The following SLC7A8 variants were observed in gnomAD, a reference collection of about 807,000 sequenced individuals.
SLC7A8 encodes the protein solute carrier family 7 member 8, also known as large neutral amino acids transporter small subunit 2.
Under a neutral mutation model 51.2 loss-of-function variants are expected in SLC7A8, and 30 were observed. That is an observed-to-expected ratio of 0.59 (90% CI 0.44 to 0.80). The LOEUF (loss-of-function observed/expected upper bound fraction) is 0.80, where lower values mean the gene tolerates loss of function less well. Ranked by LOEUF, SLC7A8 falls within the 30% of genes least tolerant of loss-of-function variation. The pLI, the probability that SLC7A8 is intolerant of heterozygous loss-of-function variation, is 0.00. For synonymous variants in SLC7A8, 257 were observed against 275.8 expected (o/e 0.93, Z 0.67); for missense variants, 612 against 674.4 (o/e 0.91, Z 1.03).
intron 3 of SLC7A8, chr14:23,155,023 AAGC>A: frequency 1.7e-6 from 1 of 602,198 alleles, no homozygotes; most frequent in African/African-American, 2.0e-5. Context: ...AAAAAAATCA[AAGC>A]AGCCCTTCCT....
rs1312643428 is a variant in SLC7A8, at chr14:23,128,499, T to C, written c.1264-303A>G. The C allele has an allele frequency of 1.3e-5, 10 of 740,840 alleles. No individual in the cohort carries two copies. The highest frequency in any genetic ancestry group is 2.1e-5 in the Non-Finnish European group (10 of 482,164). 45.9% of individuals were successfully genotyped at this position (740,840 alleles called of 1,614,324 possible). On this transcript the variant is annotated intron_variant, in intron 9 of 10. Transcript: ENST00000316902. This position sits in a 1 kb window ranked among gnomAD's most constrained non-coding sequence, Gnocchi z 4.3. ...AGACAAGGCCTCATCATGCATGCCA[T>C]GTGCCCGTGGCAGCCAGAGAAGCCC...
At chr14:23,153,410 T>A (rs942815736) in intron 3 of SLC7A8, among the ~76,000 whole-genome samples, 1 of 152,178 alleles carries the variant, frequency 6.6e-6, no homozygotes, top group Non-Finnish European at 1.5e-5. Flanking sequence ...CAGATCACTC[T>A]GCTTTCCCTT....
At chr14:23,129,562 C>T in intron 9 of SLC7A8, 88 bp downstream of exon 9, 1 of 1,454,584 alleles carries the variant, frequency 6.9e-7, no homozygotes, top group Admixed American at 2.0e-5. Flanking sequence ...GTGTGGTCAG[C>T]AGCTAAGAAC....
intron 3 of SLC7A8, among the ~76,000 whole-genome samples, chr14:23,151,891 CT>C (rs1682446697): frequency 6.6e-6 from 1 of 151,958 alleles, no homozygotes; most frequent in African/African-American, 2.4e-5. Context: ...TAGCAAAACC[CT>C]GTCTCTATTA....
intron 7 of SLC7A8, among the ~76,000 whole-genome samples, chr14:23,135,563 G>A (rs1474996675): frequency 2.0e-5 from 3 of 151,824 alleles, no homozygotes; most frequent in African/African-American, 4.8e-5. Context: ...TTAGCCAGGC[G>A]TGGTGGCAGG....
intron 3 of SLC7A8, among the ~76,000 whole-genome samples, chr14:23,152,077 G>GA (rs1290140171): frequency 3.3e-5 from 5 of 150,018 alleles, no homozygotes; most frequent in South Asian, 4.2e-4. Context: ...CAAAAGCAAA[G>GA]AAAAAAAAAG....
At position 23,125,554 on chromosome 14, in the gene SLC7A8, G is replaced by C. The variant is rs936707017; in HGVS notation, c.*1623C>G. On this transcript the variant is annotated 3_prime_UTR_variant, in exon 11 of 11. Coordinates refer to ENST00000316902, the MANE Select transcript of SLC7A8 (RefSeq NM_012244.4). ...GGAGGAATGAGAAAAGAGGGAATAA[G>C]AAGATGGTCCCCTGACCCTCCAGGG... 2 of 152,576 alleles carry C rather than the reference G, an allele frequency of 1.3e-5. No individual in the cohort carries two copies. Among genetic ancestry groups the C allele is most frequent in the African/African-American group, 4.8e-5 (2 of 41,434 alleles). 9.5% of individuals were successfully genotyped at this position (152,576 alleles called of 1,614,324 possible).
chr14:23,143,907 T>C (rs2048767461), intron 3 of SLC7A8, among the ~76,000 whole-genome samples: 1 of 152,244 alleles, frequency 6.6e-6, no homozygotes. Context: ...TCATATAATA[T>C]GTGGTCTTCT....
rs530998493 is a variant in SLC7A8 at position 23,140,534 on chromosome 14, G to A, written c.725C>T (p.Ser242Phe). 4 of 1,614,094 alleles carry A rather than the reference G, an allele frequency of 2.5e-6. No homozygotes were observed. The highest frequency in any genetic ancestry group is 3.3e-5 in the Admixed American group (2 of 60,022). ...AAAGTTCCAGCCTCCATAGGCAAAG[G>A]AGCCCTGAAGGAAAGCCAGTGCGAC... ...GLVALAFLQG[S>F]FAYGGWNFLN... Residue 242 changes from serine (S) to phenylalanine (F), a missense_variant, in exon 5 of 11, where the codon TCC (serine) becomes TTC (phenylalanine). Transcript: ENST00000316902.
At chr14:23,161,760 T>C (rs1459961754) in intron 3 of SLC7A8, among the ~76,000 whole-genome samples, 11 of 152,054 alleles carry the variant, frequency 7.2e-5, no homozygotes. Context: ...AAACCCCATC[T>C]CTACTAAAAA....
At chr14:23,169,848 G>A (rs2048967667) in intron 1 of SLC7A8, among the ~76,000 whole-genome samples, 1 of 152,180 alleles carries the variant, frequency 6.6e-6, no homozygotes, top group Non-Finnish European at 1.5e-5. Flanking sequence ...CTAAATCATA[G>A]GGTGAGTTTG....
chr14:23,165,474 A>G lies in SLC7A8; in HGVS notation c.357-38T>C. The G allele has an allele frequency of 6.4e-7, 1 of 1,559,436 alleles. No individual in the cohort carries two copies. The highest frequency in any genetic ancestry group is 8.6e-7 in the Non-Finnish European group (1 of 1,160,230). ...AGGGACATCCGCCGAAAGGCATGGC[A>G]GGGACGCAGAGCCATCAGGGGAGAG... On this transcript the variant is annotated intron_variant, in intron 2 of 10. Transcript: ENST00000316902. This position sits in a 1 kb window ranked among gnomAD's most constrained non-coding sequence, Gnocchi z 4.2.
chr14:23,133,776 A>G (rs1344529512), intron 7 of SLC7A8, among the ~76,000 whole-genome samples: 1 of 152,156 alleles, frequency 6.6e-6, no homozygotes, highest in African/African-American at 2.4e-5. Context: ...GTGAGCAGAG[A>G]TCATGCCCTT....
At chr14:23,176,010 A>G (rs2048997396) in intron 1 of SLC7A8, among the ~76,000 whole-genome samples, 1 of 152,148 alleles carries the variant, frequency 6.6e-6, no homozygotes, top group African/African-American at 2.4e-5. Context: ...TTTTAATCAC[A>G]TTTTCATCCT....
intron 1 of SLC7A8, 50 bp downstream of exon 1, chr14:23,182,714 A>T (rs374348866): frequency 1.3e-6 from 2 of 1,505,068 alleles, no homozygotes; most frequent in Admixed American, 2.3e-5. Context: ...ATCTCACAGG[A>T]GGACCACCAG....
intron 7 of SLC7A8, among the ~76,000 whole-genome samples, chr14:23,135,768 A>G (rs1313158979): frequency 6.6e-6 from 1 of 152,164 alleles, no homozygotes; most frequent in East Asian, 1.9e-4. Context: ...GACAATATTG[A>G]AGGAGATGGG....
At chr14:23,153,882 C>T (rs1047263173) in intron 3 of SLC7A8, among the ~76,000 whole-genome samples, 1 of 151,922 alleles carries the variant, frequency 6.6e-6, no homozygotes, top group Non-Finnish European at 1.5e-5. Flanking sequence ...TGAAAACAGG[C>T]AGTAGAAAGG....
intron 3 of SLC7A8, among the ~76,000 whole-genome samples, chr14:23,144,275 C>A (rs1345030122): frequency 6.6e-6 from 1 of 151,614 alleles, no homozygotes; most frequent in Admixed American, 6.6e-5. Flanking sequence ...TGCATTCCTA[C>A]TCTCATGTCA....
intron 8 of SLC7A8, among the ~76,000 whole-genome samples, chr14:23,131,124 G>T (rs1324912518): frequency 1.3e-5 from 2 of 152,220 alleles, no homozygotes. Context: ...CTGCAACCCT[G>T]TGGTAACAGG....
Sources: allele counts gnomAD v4.1 joint callset (sites outside exome capture counted in the v4.1 genomes callset), GRCh38; gene constraint gnomAD v4.1.1; non-coding constraint Gnocchi (gnomAD v3.1); transcripts MANE v1.5; gene names NCBI Gene and HGNC (gene_info 2026-07-23, HGNC 2026-07-21).